ASIC2: variants seen among roughly 807,000 people sequenced by gnomAD.
ASIC2 encodes the protein acid-sensing ion channel 2.
In ASIC2, 25 loss-of-function variants were observed where a neutral mutation model predicts 57.3. The observed-to-expected ratio is 0.44, with a 90% CI of 0.32 to 0.61. The LOEUF (loss-of-function observed/expected upper bound fraction) is 0.61, where lower values mean the gene tolerates loss of function less well. Among genes scored for constraint, ASIC2 ranks in the 20% least tolerant of loss-of-function variants. ASIC2 has a pLI of 0.06. For synonymous variants in ASIC2, 319 were observed against 307.5 expected, an observed-to-expected ratio of 1.04 and a Z score of -0.39; for missense variants, 641 against 738.1, an observed-to-expected ratio of 0.87 and a Z score of 1.52.
intron 1 of ASIC2, among the ~76,000 whole-genome samples, chr17:33,923,429 G>A (rs1390352292): frequency 1.3e-5 from 2 of 152,270 alleles, no homozygotes; most frequent in African/African-American, 4.8e-5. Flanking sequence ...TTTACAGATG[G>A]AAATAAAATG....
intron 1 of ASIC2, among the ~76,000 whole-genome samples, chr17:34,097,591 C>T (rs1910593340): frequency 6.6e-6 from 1 of 152,168 alleles, no homozygotes; most frequent in South Asian, 2.1e-4. Context: ...AAAAAATGGT[C>T]ATGTGAAGAC....
chr17:33,723,818 C>A (rs747948128), intron 1 of ASIC2, among the ~76,000 whole-genome samples: 18 of 152,156 alleles, frequency 1.2e-4, no homozygotes, highest in Non-Finnish European at 2.5e-4. Context: ...CAAGATGCAA[C>A]CCTATCAAGC....
At position 34,038,879 on chromosome 17, in the gene ASIC2, C is replaced by T. The variant is rs557139583; in HGVS notation, c.555+117099G>A. The T allele has an allele frequency of 5.8e-5, 94 of 1,612,628 alleles. No individual in the cohort carries two copies. In the African/African-American group the frequency reaches 1.1e-3, roughly 18 times the overall value. ...TTTCCGTTGTCTTTCTATCTCTTCC[C>T]TCTGTGAATTTATCCTTTCCTGTTG... On this transcript the variant is annotated intron_variant, in intron 1 of 9. Coordinates refer to the ASIC2 transcript ENST00000359872.
chr17:33,291,221 T>G, intron 1 of ASIC2, 187 bp downstream of exon 1: 2 of 1,302,536 alleles, frequency 1.5e-6, no homozygotes, highest in South Asian at 1.8e-5. Flanking sequence ...CTCCTACAGT[T>G]AAGTCCAAGT....
chr17:33,927,312 G>A (rs1015962012), intron 1 of ASIC2, among the ~76,000 whole-genome samples: 3 of 152,160 alleles, frequency 2.0e-5, no homozygotes, highest in African/African-American at 7.2e-5. Flanking sequence ...CTGAATGCTG[G>A]TGTCCTCCCA....
intron 1 of ASIC2, among the ~76,000 whole-genome samples, chr17:33,466,790 TG>T (rs1490083092): frequency 6.6e-6 from 1 of 152,168 alleles, no homozygotes; most frequent in African/African-American, 2.4e-5. Context: ...AGGCTAGCCA[TG>T]TGTAGAAAGC....
chr17:33,360,760 T>C (rs1046079706), intron 1 of ASIC2, among the ~76,000 whole-genome samples: 1 of 152,218 alleles, frequency 6.6e-6, no homozygotes, highest in Non-Finnish European at 1.5e-5. Flanking sequence ...CTGCCTCCCA[T>C]ATAGAAGATC....
chr17:33,470,226 C>T (rs1334122119), intron 1 of ASIC2, among the ~76,000 whole-genome samples: 1 of 152,126 alleles, frequency 6.6e-6, no homozygotes, highest in Non-Finnish European at 1.5e-5. Flanking sequence ...GGGCGTGGGT[C>T]TTAAACCAAT....
At chr17:33,275,941 C>T (rs1904686247) in intron 1 of ASIC2, among the ~76,000 whole-genome samples, 2 of 152,080 alleles carry the variant, frequency 1.3e-5, no homozygotes, top group African/African-American at 4.8e-5. Flanking sequence ...GGGTGCTTGG[C>T]CTTATCTTGT....
intron 1 of ASIC2, among the ~76,000 whole-genome samples, chr17:33,644,949 G>T (rs1281002110): frequency 6.6e-6 from 1 of 152,190 alleles, no homozygotes; most frequent in Admixed American, 6.5e-5. Context: ...AGATAAATAT[G>T]TCGGTTGATA....
intron 1 of ASIC2, among the ~76,000 whole-genome samples, chr17:33,524,347 C>G (rs897529232): frequency 6.6e-6 from 1 of 152,178 alleles, no homozygotes; most frequent in African/African-American, 2.4e-5. Flanking sequence ...AATGAAGCCT[C>G]TGAGAGATTG....
At chr17:33,322,071 G>A (rs2142216425) in intron 1 of ASIC2, among the ~76,000 whole-genome samples, 1 of 152,280 alleles carries the variant, frequency 6.6e-6, no homozygotes, top group African/African-American at 2.4e-5. Flanking sequence ...ACATAACAGT[G>A]GTGGAACCGG....
At chr17:33,934,017 T>C (rs1379167832) in intron 1 of ASIC2, among the ~76,000 whole-genome samples, 1 of 152,200 alleles carries the variant, frequency 6.6e-6, no homozygotes, top group Non-Finnish European at 1.5e-5. Context: ...AGCAGCGACT[T>C]TCTTGTAGTT....
chr17:33,814,960 A>G (rs1316737922), intron 1 of ASIC2, among the ~76,000 whole-genome samples: 1 of 152,040 alleles, frequency 6.6e-6, no homozygotes, highest in Non-Finnish European at 1.5e-5. Context: ...AAAAGTGCAT[A>G]TGTGTCTGTG....
intron 1 of ASIC2, among the ~76,000 whole-genome samples, chr17:33,216,506 T>G (rs983937077): frequency 2.6e-5 from 4 of 152,126 alleles, no homozygotes; most frequent in Non-Finnish European, 4.4e-5. Context: ...ATGTCCTGAA[T>G]GACGAGGAGG....
chr17:34,148,028 C>A (rs1006032474), intron 1 of ASIC2, among the ~76,000 whole-genome samples: 7 of 152,100 alleles, frequency 4.6e-5, no homozygotes, highest in African/African-American at 1.7e-4. Context: ...TTGTTAAATT[C>A]ATCTCTTCAT....
chr17:33,338,753 A>C (rs1907620173), intron 1 of ASIC2, among the ~76,000 whole-genome samples: 1 of 152,220 alleles, frequency 6.6e-6, no homozygotes, highest in Non-Finnish European at 1.5e-5. Context: ...TGGGTGGATA[A>C]GAGGAAAAAG....
chr17:33,561,626 T>C (rs905715298), intron 1 of ASIC2, among the ~76,000 whole-genome samples: 1 of 152,218 alleles, frequency 6.6e-6, no homozygotes, highest in Non-Finnish European at 1.5e-5. Flanking sequence ...CATTTTCTTA[T>C]ACACTTTGGT....
At chr17:33,912,356 G>C (rs1915486974) in intron 1 of ASIC2, among the ~76,000 whole-genome samples, 1 of 149,272 alleles carries the variant, frequency 6.7e-6, no homozygotes, top group African/African-American at 2.5e-5. Flanking sequence ...AGCTGGGCAT[G>C]GTGGCGCACA....
Sources: gnomAD v4.1 joint callset for allele counts (sites outside exome capture counted in the v4.1 genomes callset) on GRCh38, gnomAD v4.1.1 for gene constraint, MANE v1.5 for transcripts, NCBI Gene and HGNC (gene_info 2026-07-23, HGNC 2026-07-21) for gene names.